The following PLCB1 variants were observed in gnomAD, a reference collection of about 807,000 sequenced individuals.
The protein encoded by PLCB1 is phospholipase C beta 1.
PLCB1 carries 46 observed loss-of-function variants against 161.8 expected under a neutral mutation model. The ratio of observed to expected loss-of-function variants is 0.28; its 90% CI spans 0.22 to 0.36. The LOEUF is 0.36. PLCB1 is among the 10% of genes least tolerant of loss of function. The pLI, the probability that PLCB1 is intolerant of heterozygous loss-of-function variation, is 1.00. For synonymous variants in PLCB1, 517 were observed against 503.7 expected (o/e 1.03, Z -0.35); for missense variants, 1,016 against 1,472.5 (o/e 0.69, Z 5.07).
chr20:8,266,173 T>TA (rs1352598950), intron 2 of PLCB1, among the ~76,000 whole-genome samples: 1 of 152,216 alleles, frequency 6.6e-6, no homozygotes, highest in East Asian at 1.9e-4. Context: ...ACTTCAGGCT[T>TA]ACAACACTTA....
In PLCB1 at chr20:8,722,202, C is replaced by A; in HGVS notation, c.1514-152C>A. 4 of 530,636 alleles carry A rather than the reference C, an allele frequency of 7.5e-6. No individual in the cohort carries two copies. The South Asian group carries it at 9.5e-5, about 13-fold the overall frequency. The allele number at this position is 530,636 out of a possible 1,614,324, so 32.9% of individuals were successfully genotyped here. A position where few individuals can be genotyped will look rare whatever the true frequency, so the allele number is the denominator to read the frequency against. ...AAAATGTCAGTATAATTTTCTATAA[C>A]GAATAAAATTTAAATCCTTGAAAAA... On this transcript the variant is annotated intron_variant, in intron 14 of 31. Transcript: ENST00000338037.
intron 2 of PLCB1, among the ~76,000 whole-genome samples, chr20:8,186,816 G>A (rs897209646): frequency 2.6e-5 from 4 of 152,162 alleles, no homozygotes; most frequent in African/African-American, 4.8e-5. Flanking sequence ...GGGAGACAAG[G>A]TTGGTTGGAA....
intron 4 of PLCB1, among the ~76,000 whole-genome samples, chr20:8,643,405 T>C (rs1460005856): frequency 6.6e-6 from 1 of 152,150 alleles, no homozygotes; most frequent in Non-Finnish European, 1.5e-5. Flanking sequence ...TTGCTCTAAC[T>C]CCTGCCATGT....
chr20:8,697,317 T>A (rs539019423), intron 10 of PLCB1, among the ~76,000 whole-genome samples: 1 of 152,334 alleles, frequency 6.6e-6, no homozygotes, highest in East Asian at 1.9e-4. Context: ...CCACAGAGAT[T>A]TTTTGTGAAG....
intron 9 of PLCB1, among the ~76,000 whole-genome samples, chr20:8,661,811 G>A (rs1989630944): frequency 1.3e-5 from 2 of 149,628 alleles, no homozygotes; most frequent in African/African-American, 4.9e-5. Flanking sequence ...AAACTTACAA[G>A]CCAACCTACG....
chr20:8,416,224 C>G (rs189931059), intron 3 of PLCB1, among the ~76,000 whole-genome samples: 2 of 152,082 alleles, frequency 1.3e-5, no homozygotes, highest in African/African-American at 4.8e-5. Flanking sequence ...AAAACTTGGT[C>G]TGACAAGGGA....
chr20:8,762,162 G>A (rs558430677), intron 25 of PLCB1, among the ~76,000 whole-genome samples: 1 of 152,014 alleles, frequency 6.6e-6, no homozygotes, highest in Non-Finnish European at 1.5e-5. Context: ...GTGAGCCAAG[G>A]TTGCGCCATT....
At chr20:8,528,467 C>T (rs1417672750) in intron 3 of PLCB1, among the ~76,000 whole-genome samples, 2 of 151,924 alleles carry the variant, frequency 1.3e-5, no homozygotes, top group Admixed American at 1.3e-4. Context: ...TCCATTCATA[C>T]GAGGTTCTAG....
chr20:8,782,103 A>G (rs1429859338), intron 27 of PLCB1, among the ~76,000 whole-genome samples: 1 of 152,234 alleles, frequency 6.6e-6, no homozygotes, highest in African/African-American at 2.4e-5. Context: ...CTATTTTAAT[A>G]TAAGTTCTAT....
chr20:8,436,233 C>T (rs1980296661), intron 3 of PLCB1, among the ~76,000 whole-genome samples: 1 of 150,320 alleles, frequency 6.7e-6, no homozygotes, highest in Non-Finnish European at 1.5e-5. Flanking sequence ...GAGGCTGAGG[C>T]ACAAGAATCA....
At chr20:8,662,851 A>C (rs1989719400) in intron 9 of PLCB1, among the ~76,000 whole-genome samples, 1 of 151,898 alleles carries the variant, frequency 6.6e-6, no homozygotes, top group Non-Finnish European at 1.5e-5. Flanking sequence ...GGAAGAGATA[A>C]CATTTGGGCT....
At chr20:8,229,412 G>A (rs1979883810) in intron 2 of PLCB1, among the ~76,000 whole-genome samples, 1 of 152,010 alleles carries the variant, frequency 6.6e-6, no homozygotes, top group Admixed American at 6.6e-5. Flanking sequence ...AAAACAGCTT[G>A]GTTCATAATT....
chr20:8,744,355 C>A lies in PLCB1; in HGVS notation c.2523+2782C>A, dbSNP rs189319693. Among the ~76,000 whole-genome samples, 7 of 152,210 alleles carry A rather than the reference C, an allele frequency of 4.6e-5. No homozygotes were observed. The East Asian group carries it at 1.4e-3, about 29-fold the overall frequency. On this transcript the variant is annotated intron_variant, in intron 23 of 31. Coordinates refer to ENST00000338037, the MANE Select transcript of PLCB1 (RefSeq NM_015192.4). ...ATTGTCTCTAAGGAATAAGCACTTG[C>A]TTCAAGAGAACATTTCAACACTACC...
intron 2 of PLCB1, among the ~76,000 whole-genome samples, chr20:8,297,099 T>G (rs1983666747): frequency 6.6e-6 from 1 of 152,040 alleles, no homozygotes; most frequent in Non-Finnish European, 1.5e-5. Context: ...TCTGTATAGA[T>G]GTATGTATAT....
At chr20:8,625,976 G>A (rs749302675) in intron 3 of PLCB1, among the ~76,000 whole-genome samples, 2 of 151,940 alleles carry the variant, frequency 1.3e-5, no homozygotes, top group African/African-American at 2.4e-5. Context: ...TCAGGAGTTC[G>A]AGATCAGCCT....
intron 2 of PLCB1, among the ~76,000 whole-genome samples, chr20:8,308,433 A>G (rs576893637): frequency 7.9e-5 from 12 of 151,938 alleles, no homozygotes; most frequent in African/African-American, 2.9e-4. Flanking sequence ...CCTGGCCAAC[A>G]TGGTGAAACC....
intron 10 of PLCB1, among the ~76,000 whole-genome samples, chr20:8,694,037 C>G (rs1392222772): frequency 1.6e-4 from 25 of 152,200 alleles, no homozygotes; most frequent in Admixed American, 1.6e-3. Flanking sequence ...TCTCAACCTT[C>G]AGCGATCCGC....
intron 27 of PLCB1, among the ~76,000 whole-genome samples, chr20:8,779,742 G>A (rs752281656): frequency 5.9e-5 from 9 of 152,172 alleles, no homozygotes; most frequent in Non-Finnish European, 1.3e-4. Context: ...GTTTTAGAGT[G>A]TGTATCATTG....
intron 2 of PLCB1, among the ~76,000 whole-genome samples, chr20:8,218,909 G>A (rs192788998): frequency 2.6e-3 from 399 of 152,174 alleles, no homozygotes; most frequent in African/African-American, 8.8e-3. Flanking sequence ...TTATATGTAG[G>A]TGTGTCAGTG....
Sources: allele counts gnomAD v4.1 joint callset (sites outside exome capture counted in the v4.1 genomes callset), GRCh38; gene constraint gnomAD v4.1.1; transcripts MANE v1.5; gene names NCBI Gene and HGNC (gene_info 2026-07-23, HGNC 2026-07-21).